ZNF440: variants seen among roughly 807,000 people sequenced by gnomAD.
ZNF440 encodes zinc finger protein 440.
In ZNF440, 47 loss-of-function variants were observed where a neutral mutation model predicts 49.7. The observed-to-expected ratio is 0.95, with a 90% CI of 0.75 to 1.21. The LOEUF is 1.21. ZNF440 is among the 50% of genes most tolerant of loss of function. ZNF440 has a pLI of 0.00. For synonymous variants in ZNF440, 255 were observed against 237.7 expected (o/e 1.07, Z -0.67); for missense variants, 703 against 715.0 (o/e 0.98, Z 0.19).
intron 1 of ZNF440, among the ~76,000 whole-genome samples, chr19:11,826,662 CTTTTTTTTTTTTTTT>C (rs112043377): frequency 7.0e-6 from 1 of 142,294 alleles, no homozygotes. Context: ...ATTTTTTTTC[CTTTTTTTTTTTTTTT>C]TGGAGACAGA....
In ZNF440 at chr19:11,834,129, C is replaced by CA; in HGVS notation, c.*1165_*1166insA. On this transcript the variant is annotated 3_prime_UTR_variant, in exon 4 of 4. Transcript: ENST00000304060. ...TTTATCTCAACCTTAATTTTTCTTT[C>CA]TTTTTTTTTTTCCCCCAGAAAGAAT... The CA allele has an allele frequency of 3.8e-6, 1 of 260,488 alleles. No individual in the cohort carries two copies. The highest frequency in any genetic ancestry group is 7.5e-6 in the Non-Finnish European group (1 of 133,488). 16.1% of individuals were successfully genotyped at this position (260,488 alleles called of 1,614,324 possible).
Position 11,833,456 on chromosome 19 carries a change from A to G in ZNF440, c.*492A>G. On this transcript the variant is annotated 3_prime_UTR_variant, in exon 4 of 4. Coordinates refer to ENST00000304060, the MANE Select transcript of ZNF440 (RefSeq NM_152357.3). ...ATTCAGCTTGCCTACTTCCTTTCATAGACATGAAAAGACTCACACTGGAAG... is the reference window on the plus strand; with the variant it reads ...ATTCAGCTTGCCTACTTCCTTTCATGGACATGAAAAGACTCACACTGGAAG... The G allele has an allele frequency of 2.8e-6, 1 of 357,854 alleles. No homozygotes were observed. The highest frequency in any genetic ancestry group is 5.4e-6 in the Non-Finnish European group (1 of 183,864). 22.2% of individuals were successfully genotyped at this position (357,854 alleles called of 1,614,324 possible).
Position 11,834,151 on chromosome 19 carries a change from G to T in ZNF440, c.*1187G>T. On this transcript the variant is annotated 3_prime_UTR_variant, in exon 4 of 4. Transcript: ENST00000304060. Reference sequence around the variant, plus strand: ...TTTCTTTTTTTTTTTCCCCCAGAAAGAATCTCACTCTGTCACCCAGGCTGG... The same window carrying T: ...TTTCTTTTTTTTTTTCCCCCAGAAATAATCTCACTCTGTCACCCAGGCTGG... The T allele has an allele frequency of 3.5e-6, 1 of 285,690 alleles. No individual in the cohort carries two copies. The highest frequency in any genetic ancestry group is 6.8e-6 in the Non-Finnish European group (1 of 148,052). The allele number at this position is 285,690 out of a possible 1,614,324, so 17.7% of individuals were successfully genotyped here.
In ZNF440 at chr19:11,834,222, G is replaced by C. The variant is rs1975990604; in HGVS notation, c.*1258G>C. 1 of 219,348 alleles carries C rather than the reference G, an allele frequency of 4.6e-6. No individual in the cohort carries two copies. The highest frequency in any genetic ancestry group is 1.9e-4 in the South Asian group (1 of 5,374). The allele number at this position is 219,348 out of a possible 1,614,324, so 13.6% of individuals were successfully genotyped here. ...GGTCACTGCAACCTCTGCCTCCAGGGTTCAAGCAATTCTCCTGCCTCAGTC... is the reference window on the plus strand; with the variant it reads ...GGTCACTGCAACCTCTGCCTCCAGGCTTCAAGCAATTCTCCTGCCTCAGTC... On this transcript the variant is annotated 3_prime_UTR_variant, in exon 4 of 4. Coordinates refer to ENST00000304060, the MANE Select transcript of ZNF440 (RefSeq NM_152357.3).
At chr19:11,822,885 T>C (rs1395791591) in intron 1 of ZNF440, among the ~76,000 whole-genome samples, 2 of 149,740 alleles carry the variant, frequency 1.3e-5, no homozygotes, top group African/African-American at 4.9e-5. Flanking sequence ...CACAATTTGC[T>C]TTTTCCATTG....
chr19:11,832,816 A>G lies in ZNF440; in HGVS notation c.1640A>G (p.Asn547Ser). 1 of 1,614,062 alleles carries G rather than the reference A, an allele frequency of 6.2e-7. No homozygotes were observed. Among genetic ancestry groups the G allele is most frequent in the Non-Finnish European group, 8.5e-7 (1 of 1,179,996 alleles). ...TLKRNPMSVSNDGKPSDLPHT... is the reference protein window; with the variant it reads ...TLKRNPMSVSSDGKPSDLPHT... The stretch of plus-strand genomic sequence containing the variant: ...AAGAGAAACCCTATGAGTGTGAGCA[A>G]TGACGGAAAGCCTTCAGATCTGCCC... Residue 547 changes from asparagine to serine, a missense_variant, in exon 4 of 4, where the codon AAT (asparagine) becomes AGT (serine). By Grantham distance (46) the Asn-to-Ser change is conservative. Transcript: ENST00000304060.
chr19:11,822,878 A>C (rs982475447), intron 1 of ZNF440, among the ~76,000 whole-genome samples: 2 of 145,272 alleles, frequency 1.4e-5, no homozygotes, highest in Non-Finnish European at 3.0e-5. Flanking sequence ...CTGGTTTCAC[A>C]ATTTGCTTTT....
At chr19:11,830,159 A>T in intron 1 of ZNF440, 124 bp from the exon 2 acceptor site, 3 of 1,520,462 alleles carry the variant, frequency 2.0e-6, no homozygotes, top group Non-Finnish European at 2.6e-6. Flanking sequence ...AAGAGATCTG[A>T]TGACCAAAGC....
Position 11,832,672 on chromosome 19 carries a change from C to T in ZNF440, c.1496C>T (p.Pro499Leu). 1 of 1,613,802 alleles carries T rather than the reference C, an allele frequency of 6.2e-7. No homozygotes were observed. Among genetic ancestry groups the T allele is most frequent in the Non-Finnish European group, 8.5e-7 (1 of 1,179,920 alleles). Residue 499 changes from proline (P) to leucine (L), a missense_variant, in exon 4 of 4, where the codon CCA becomes CTA. Physicochemically the swap from Pro to Leu is moderately conservative, Grantham distance 98. Coordinates refer to ENST00000304060, the MANE Select transcript of ZNF440 (RefSeq NM_152357.3). ...CGTTCAGTAGTTCCTTCAGTAGTTC[C>T]AGTTCCTTTTGATATCATGAAAGGA... ...KQRSVVPSVVPVPFDIMKGLT... is the reference protein window; with the variant it reads ...KQRSVVPSVVLVPFDIMKGLT...
chr19:11,815,418 C>G (rs1413273509), intron 1 of ZNF440, among the ~76,000 whole-genome samples: 1 of 151,804 alleles, frequency 6.6e-6, no homozygotes, highest in Non-Finnish European at 1.5e-5. Context: ...GCGGCAAAAG[C>G]GGGAAGGTTG....
At position 11,832,237 on chromosome 19, in the gene ZNF440, C is replaced by A; in HGVS notation, c.1061C>A (p.Ser354Ter). 6.2e-7 allele frequency: 1 copy of A among 1,614,004 alleles called. No homozygotes were observed. Among genetic ancestry groups the A allele is most frequent in the Non-Finnish European group, 8.5e-7 (1 of 1,179,960 alleles). ...GGAAAAGACTTTTGTTCTGTGAATT[C>A]ATTTCAAAGACATGAAAAAATTCAC... ...ICGKDFCSVN[S>*]FQRHEKIHSG... The change falls in exon 4 of 4, where the codon TCA becomes TAA. Residue 354 changes from serine to a stop codon, truncating the protein, a stop_gained. Coordinates refer to ENST00000304060, the MANE Select transcript of ZNF440 (RefSeq NM_152357.3). LOFTEE classifies it high-confidence loss of function.
rs773401249 is a variant in ZNF440 at position 11,831,462 on chromosome 19, G to C, written c.286G>C (p.Glu96Gln). 2 of 1,613,902 alleles carry C rather than the reference G, an allele frequency of 1.2e-6. No individual in the cohort carries two copies. The highest frequency in any genetic ancestry group is 1.7e-5 in the Admixed American group (1 of 60,006). Residue 96 changes from glutamate to glutamine, a missense_variant, in exon 4 of 4, where the codon GAG (glutamate) becomes CAG (glutamine). By Grantham distance (29) the Glu-to-Gln change is conservative. Coordinates refer to ENST00000304060, the MANE Select transcript of ZNF440 (RefSeq NM_152357.3). Reference protein sequence around the residue: ...PVPDDRLNFQEKKASPEVKSC... With the variant: ...PVPDDRLNFQQKKASPEVKSC... ...TCCAGATGACAGACTGAACTTCCAG[G>C]AGAAGAAAGCTTCTCCTGAAGTAAA...
At chr19:11,821,606 T>C (rs1335807362) in intron 1 of ZNF440, among the ~76,000 whole-genome samples, 6 of 151,960 alleles carry the variant, frequency 3.9e-5, no homozygotes. Context: ...AGTGCAGTGT[T>C]GGTGGAAAGT....
At chr19:11,817,985 G>A (rs926419941) in intron 1 of ZNF440, among the ~76,000 whole-genome samples, 1 of 152,092 alleles carries the variant, frequency 6.6e-6, no homozygotes, top group Non-Finnish European at 1.5e-5. Context: ...CGAGGTGGGC[G>A]GATCACTTGA....
rs752036599 is a variant in ZNF440, at chr19:11,831,653, T to G, written c.477T>G (p.Phe159Leu). The part of the protein sequence containing the change: ...PKKAFRYRPS[F>L]RTQERDHTGE... ...AAGCCTTCAGATACCGCCCCTCCTT[T>G]AGAACACAAGAAAGGGATCACACTG... Residue 159 changes from phenylalanine to leucine, a missense_variant, in exon 4 of 4, where the codon TTT becomes TTG. Phe to Leu is a conservative substitution (Grantham distance 22, BLOSUM62 0). Coordinates refer to ENST00000304060, the MANE Select transcript of ZNF440 (RefSeq NM_152357.3). The G allele has an allele frequency of 6.8e-6, 11 of 1,614,152 alleles. No individual in the cohort carries two copies. Among genetic ancestry groups the G allele is most frequent in the Middle Eastern group, 1.6e-4 (1 of 6,062 alleles).
chr19:11,825,125 C>T (rs12460245), intron 1 of ZNF440, among the ~76,000 whole-genome samples: 1 of 151,006 alleles, frequency 6.6e-6, no homozygotes, highest in African/African-American at 2.4e-5. Flanking sequence ...GGAGGCCAGC[C>T]TAGGCAACAT....
Position 11,832,898 on chromosome 19 carries a change from G to C in ZNF440, c.1722G>C (p.Arg574Ser), listed in dbSNP as rs56167415. 43 of 1,611,936 alleles carry C rather than the reference G, an allele frequency of 2.7e-5. No homozygotes were observed. Among genetic ancestry groups the C allele is most frequent in the Non-Finnish European group, 3.3e-5 (39 of 1,179,320 alleles). The change falls in exon 4 of 4, where the codon AGG (arginine) becomes AGC (serine). Residue 574 changes from arginine (R) to serine (S), a missense_variant. Transcript: ENST00000304060. ...HTMERSPMHVRNVGNPSDLPR... is the reference protein window; with the variant it reads ...HTMERSPMHVSNVGNPSDLPR... ...TGGAGAGAAGCCCTATGCATGTAAG[G>C]AATGTGGGAAACCCTTCGGATCTGC...
intron 1 of ZNF440, chr19:11,817,208 A>G (rs1754104131): frequency 6.6e-6 from 1 of 152,244 alleles, no homozygotes; most frequent in Admixed American, 6.5e-5. Flanking sequence ...TTACTGGGAA[A>G]AGAGGTCCTG....
chr19:11,828,937 G>A (rs1366956537), intron 1 of ZNF440, among the ~76,000 whole-genome samples: 1 of 151,214 alleles, frequency 6.6e-6, no homozygotes, highest in African/African-American at 2.4e-5. Context: ...GCCTACCTTG[G>A]CCTTCCAAAG....
Sources: gnomAD v4.1 joint callset for allele counts (sites outside exome capture counted in the v4.1 genomes callset) on GRCh38, gnomAD v4.1.1 for gene constraint, MANE v1.5 for transcripts, NCBI Gene and HGNC (gene_info 2026-07-23, HGNC 2026-07-21) for gene names.